AK5: variants seen among roughly 807,000 people sequenced by gnomAD.
AK5 encodes the protein adenylate kinase isoenzyme 5.
AK5 carries 27 observed loss-of-function variants against 69.5 expected under a neutral mutation model. The observed-to-expected ratio is 0.39, with a 90% CI of 0.29 to 0.54. The LOEUF is 0.54. Ranked by LOEUF, AK5 falls within the 20% of genes least tolerant of loss-of-function variation. The pLI, the probability that AK5 is intolerant of heterozygous loss-of-function variation, is 0.71. For synonymous variants in AK5, 260 were observed against 244.4 expected (o/e 1.06, Z -0.60); for missense variants, 531 against 700.4 (o/e 0.76, Z 2.73).
chr1:77,285,774 A>C (rs12028798), intron 1 of AK5, among the ~76,000 whole-genome samples: 7 of 151,958 alleles, frequency 4.6e-5, no homozygotes, highest in African/African-American at 1.7e-4. Flanking sequence ...GACTTACTCT[A>C]TGTCAAATAG....
rs1325453897 is a variant in AK5, at chr1:77,499,869, CATTTTTTTTT to C, written c.1147+13518_1147+13527del. Reference sequence around the variant, plus strand: ...GATGACAGAGACCATGCCCTTTTTCCATTTTTTTTTTTTTTTTTTTTTTTTTTTTTTTGGT... The same window carrying C: ...GATGACAGAGACCATGCCCTTTTTCCTTTTTTTTTTTTTTTTTTTTTTGGT... On this transcript the variant is annotated intron_variant, in intron 10 of 13. Coordinates refer to ENST00000354567, the MANE Select transcript of AK5 (RefSeq NM_174858.3). 6.6e-3 allele frequency among the ~76,000 whole-genome samples: 518 copies of C among 78,764 alleles called. 24 individuals carry two copies. Among genetic ancestry groups the C allele is most frequent in the African/African-American group, 0.022 (488 of 22,062 alleles). The allele number at this position is 78,764 out of a possible 152,430, so 51.7% of individuals were successfully genotyped here.
intron 12 of AK5, among the ~76,000 whole-genome samples, chr1:77,528,656 T>C (rs1272558239): frequency 6.6e-6 from 1 of 152,212 alleles, no homozygotes; most frequent in Non-Finnish European, 1.5e-5. Flanking sequence ...GTTTACAGAA[T>C]GATTACTGGG....
chr1:77,348,616 C>T (rs1012288088), intron 6 of AK5, among the ~76,000 whole-genome samples: 1 of 152,066 alleles, frequency 6.6e-6, no homozygotes, highest in African/African-American at 2.4e-5. Flanking sequence ...AATAGCTTGT[C>T]TTTTTAATTT....
chr1:77,486,285 CT>C (rs1557627906), intron 9 of AK5, 22 bp from the exon 10 acceptor site: 1 of 1,510,302 alleles, frequency 6.6e-7, no homozygotes, highest in Admixed American at 1.7e-5. Context: ...TTGCCAATAA[CT>C]TAAGTTATTC....
chr1:77,358,018 T>TGTGTGTGTGAGAGAGAGA (rs762714026), intron 6 of AK5, among the ~76,000 whole-genome samples: 2,586 of 128,152 alleles, frequency 0.02, 65 homozygotes, highest in African/African-American at 0.05. Context: ...TGTGTGTGTG[T>TGTGTGTGTGAGAGAGAGA]GAGAGAGAGA....
At chr1:77,410,892 C>A in intron 6 of AK5, 89 bp from the exon 7 acceptor site, 1 of 942,870 alleles carries the variant, frequency 1.1e-6, no homozygotes, top group Non-Finnish European at 1.7e-6. Flanking sequence ...ATTAGAGATA[C>A]AGTTGTGTGA....
At chr1:77,498,580 T>C (rs1416340454) in intron 10 of AK5, among the ~76,000 whole-genome samples, 1 of 152,192 alleles carries the variant, frequency 6.6e-6, no homozygotes. Context: ...TCACCTGTCA[T>C]GTGGAAGTAT....
chr1:77,342,789 G>C (rs1183588519), intron 6 of AK5, among the ~76,000 whole-genome samples: 1 of 151,674 alleles, frequency 6.6e-6, no homozygotes, highest in African/African-American at 2.4e-5. Context: ...ATAAAAATCT[G>C]GGGGTTAATA....
intron 5 of AK5, among the ~76,000 whole-genome samples, chr1:77,327,814 T>A (rs1660881529): frequency 6.6e-6 from 1 of 152,222 alleles, no homozygotes; most frequent in Admixed American, 6.5e-5. Context: ...CCTCTATTCA[T>A]AAAGGGCACA....
intron 13 of AK5, among the ~76,000 whole-genome samples, chr1:77,543,018 T>C (rs1659359339): frequency 6.6e-6 from 1 of 152,252 alleles, no homozygotes; most frequent in African/African-American, 2.4e-5. Context: ...ATAAGCTTTT[T>C]TCCTCAGCAA....
chr1:77,496,272 TG>T (rs1469836308), intron 10 of AK5, among the ~76,000 whole-genome samples: 1 of 152,060 alleles, frequency 6.6e-6, no homozygotes, highest in Non-Finnish European at 1.5e-5. Flanking sequence ...AGAGATGAGA[TG>T]GATGGGAAGT....
At chr1:77,340,740 A>C in intron 6 of AK5, 172 bp downstream of exon 6, 2 of 379,850 alleles carry the variant, frequency 5.3e-6, no homozygotes, top group Non-Finnish European at 8.3e-6. Context: ...TTAAGCCATC[A>C]TGTTTTTTTA....
intron 8 of AK5, among the ~76,000 whole-genome samples, chr1:77,450,956 A>G (rs1368379248): frequency 6.6e-6 from 1 of 152,184 alleles, no homozygotes; most frequent in Non-Finnish European, 1.5e-5. Context: ...CAGGAGTATC[A>G]TTTGAGCCCA....
Position 77,509,537 on chromosome 1 carries a change from AT to A in AK5, c.1148-9022del, listed in dbSNP as rs1023143876. 2.0e-5 allele frequency among the ~76,000 whole-genome samples: 3 copies of A among 152,088 alleles called. No individual in the cohort carries two copies. The East Asian group carries it at 5.8e-4, about 29-fold the overall frequency. ...CAGTTCATGATCTGATGGCATAATAATTTTTCTCAGAAAAGAGTCATTCGGT... is the reference window on the plus strand; with the variant it reads ...CAGTTCATGATCTGATGGCATAATAATTTTCTCAGAAAAGAGTCATTCGGT... On this transcript the variant is annotated intron_variant, in intron 10 of 13. Coordinates refer to ENST00000354567, the MANE Select transcript of AK5 (RefSeq NM_174858.3).
chr1:77,427,467 A>G (rs958564235), intron 8 of AK5, among the ~76,000 whole-genome samples: 9 of 152,178 alleles, frequency 5.9e-5, no homozygotes, highest in Non-Finnish European at 1.3e-4. Context: ...ATAGGTATAT[A>G]TTATTAAATA....
chr1:77,283,561 C>T (rs1658182561), intron 1 of AK5: 1 of 985,254 alleles, frequency 1.0e-6, no homozygotes. Context: ...CTTCTTTTCT[C>T]TCACCTCTAT....
chr1:77,424,987 A>G (rs1331254002), intron 8 of AK5, among the ~76,000 whole-genome samples: 1 of 152,220 alleles, frequency 6.6e-6, no homozygotes, highest in Non-Finnish European at 1.5e-5. Flanking sequence ...CAGAAAATCA[A>G]AAATAGAGAA....
intron 6 of AK5, among the ~76,000 whole-genome samples, chr1:77,353,843 G>A (rs549824292): frequency 1.3e-5 from 2 of 152,254 alleles, no homozygotes; most frequent in East Asian, 1.9e-4. Flanking sequence ...ACACAGACAC[G>A]CCACTGCTCT....
At chr1:77,554,688 C>G (rs1487838484) in intron 13 of AK5, among the ~76,000 whole-genome samples, 2 of 152,070 alleles carry the variant, frequency 1.3e-5, no homozygotes, top group Non-Finnish European at 2.9e-5. Flanking sequence ...TCACTGTCAG[C>G]TCCACCTCCC....
Sources: gnomAD v4.1 joint callset for allele counts (sites outside exome capture counted in the v4.1 genomes callset) on GRCh38, gnomAD v4.1.1 for gene constraint, MANE v1.5 for transcripts, NCBI Gene and HGNC (gene_info 2026-07-23, HGNC 2026-07-21) for gene names.